SRRM4: variants seen among roughly 807,000 people sequenced by gnomAD.
SRRM4 encodes the protein serine/arginine repetitive matrix 4, also known as serine/arginine repetitive matrix protein 4.
SRRM4 carries 33 observed loss-of-function variants against 68.9 expected under a neutral mutation model. The observed-to-expected ratio is 0.48, with a 90% CI of 0.36 to 0.64. The LOEUF (loss-of-function observed/expected upper bound fraction) is 0.64, where lower values mean the gene tolerates loss of function less well. Among genes scored for constraint, SRRM4 ranks in the 30% least tolerant of loss-of-function variants. The pLI, the probability that SRRM4 is intolerant of heterozygous loss-of-function variation, is 0.00. For missense variants in SRRM4, 817 were observed against 827.1 expected (o/e 0.99, Z 0.15); for synonymous variants, 318 against 318.8 (o/e 1.00, Z 0.03).
intron 1 of SRRM4, among the ~76,000 whole-genome samples, chr12:118,994,843 C>T (rs116490286): frequency 0.011 from 1,610 of 152,198 alleles, 32 homozygotes; most frequent in African/African-American, 0.037. Context: ...TGTTCAAAAG[C>T]GAGTCAGTTT....
intron 1 of SRRM4, among the ~76,000 whole-genome samples, chr12:119,074,127 C>A (rs915195285): frequency 2.6e-5 from 4 of 152,090 alleles, no homozygotes; most frequent in African/African-American, 9.7e-5. Context: ...TTATGAAAAT[C>A]TCCTGCTTAG....
At chr12:119,012,356 G>T (rs1373341960) in intron 1 of SRRM4, among the ~76,000 whole-genome samples, 1 of 152,176 alleles carries the variant, frequency 6.6e-6, no homozygotes, top group African/African-American at 2.4e-5. Flanking sequence ...TTTCATCAAG[G>T]TTGCCATGAT....
intron 1 of SRRM4, among the ~76,000 whole-genome samples, chr12:119,062,988 A>T (rs550542521): frequency 6.6e-6 from 1 of 152,360 alleles, no homozygotes; most frequent in Non-Finnish European, 1.5e-5. Flanking sequence ...GACACATAGT[A>T]AGCCTTCAGT....
At chr12:119,142,301 CCT>C (rs1565918169) in intron 8 of SRRM4, among the ~76,000 whole-genome samples, 1 of 152,170 alleles carries the variant, frequency 6.6e-6, no homozygotes, top group Non-Finnish European at 1.5e-5. Context: ...TGCCTTTATC[CCT>C]GTTTTCTGGT....
chr12:119,010,010 C>G (rs910768525), intron 1 of SRRM4, among the ~76,000 whole-genome samples: 3 of 152,156 alleles, frequency 2.0e-5, no homozygotes, highest in Non-Finnish European at 4.4e-5. Flanking sequence ...AGTGTATTTT[C>G]TTTGTATGGG....
chr12:119,006,178 G>A (rs184804913), intron 1 of SRRM4, among the ~76,000 whole-genome samples: 35 of 152,322 alleles, frequency 2.3e-4, no homozygotes, highest in Admixed American at 9.1e-4. Flanking sequence ...CGCCAGTCCT[G>A]AGCTGCTCTG....
intron 1 of SRRM4, among the ~76,000 whole-genome samples, chr12:118,999,494 A>G (rs1953370045): frequency 6.6e-6 from 1 of 152,216 alleles, no homozygotes; most frequent in African/African-American, 2.4e-5. Flanking sequence ...TATCTGCAGC[A>G]TTGGCATATT....
rs191314289 is a variant in SRRM4 at position 119,048,131 on chromosome 12, G to A, written c.132-54105G>A. 8.1e-4 allele frequency among the ~76,000 whole-genome samples: 123 copies of A among 152,248 alleles called. 1 individual carries two copies. The highest frequency in any genetic ancestry group is 2.3e-3 in the African/African-American group (97 of 41,548). ...CTGTGAAACAAGAATTAGAACCCCT[G>A]TTTTACAAACCCTGTGAAACAAGAA... On this transcript the variant is annotated intron_variant, in intron 1 of 12. Transcript: ENST00000267260.
intron 1 of SRRM4, among the ~76,000 whole-genome samples, chr12:118,991,171 C>T (rs1953314572): frequency 6.6e-6 from 1 of 152,178 alleles, no homozygotes; most frequent in South Asian, 2.1e-4. Context: ...TGGTCCACTT[C>T]CTGCCCACCT....
chr12:119,026,480 C>G (rs968748472), intron 1 of SRRM4, among the ~76,000 whole-genome samples: 1 of 151,986 alleles, frequency 6.6e-6, no homozygotes, highest in South Asian at 2.1e-4. Flanking sequence ...AGTGTATGTA[C>G]AGTGATCTCA....
chr12:118,982,682 T>TTATTTTTTTTATTTTTA (rs1228412919), intron 1 of SRRM4, among the ~76,000 whole-genome samples: 3 of 134,206 alleles, frequency 2.2e-5, no homozygotes, highest in African/African-American at 8.4e-5. Flanking sequence ...TTTTTTTGTT[T>TTATTTTTTTTATTTTTA]TTTTTTTTTT....
At chr12:119,093,856 T>C (rs931545987) in intron 1 of SRRM4, among the ~76,000 whole-genome samples, 3 of 152,164 alleles carry the variant, frequency 2.0e-5, no homozygotes, top group African/African-American at 4.8e-5. Flanking sequence ...CTCAGCAGTT[T>C]TATCTCTCAT....
At chr12:119,064,301 A>C (rs1234552545) in intron 1 of SRRM4, among the ~76,000 whole-genome samples, 1 of 152,208 alleles carries the variant, frequency 6.6e-6, no homozygotes, top group Non-Finnish European at 1.5e-5. Flanking sequence ...TTGGCAAATA[A>C]ACTATTTATT....
intron 2 of SRRM4, among the ~76,000 whole-genome samples, chr12:119,103,861 A>T (rs926554325): frequency 2.6e-5 from 4 of 152,164 alleles, no homozygotes; most frequent in African/African-American, 9.7e-5. Flanking sequence ...AAAATTAGCC[A>T]GGTGTGATGG....
At position 119,160,672 on chromosome 12, in the gene SRRM4, G is replaced by GTTAAGTGGAGGGAT. The variant is rs1954507730; in HGVS notation, c.*3877_*3890dup. ...TTCCCTAGGGCAAAGTTCGACCTCT[G>GTTAAGTGGAGGGAT]TTAAGTGGAGGGATTTGTGAGATAA... On this transcript the variant is annotated 3_prime_UTR_variant, in exon 13 of 13. Transcript: ENST00000267260. 6.6e-6 allele frequency: 1 copy of GTTAAGTGGAGGGAT among 152,206 alleles called. No individual in the cohort carries two copies. Among genetic ancestry groups the GTTAAGTGGAGGGAT allele is most frequent in the Admixed American group, 6.5e-5 (1 of 15,280 alleles). The allele number at this position is 152,206 out of a possible 1,614,324, so 9.4% of individuals were successfully genotyped here.
At chr12:119,096,187 A>ATTT (rs749042616) in intron 1 of SRRM4, among the ~76,000 whole-genome samples, 12 of 134,352 alleles carry the variant, frequency 8.9e-5, no homozygotes, top group Non-Finnish European at 1.6e-4. Context: ...CGCCCAGCTA[A>ATTT]TTTTTTTTTT....
intron 1 of SRRM4, among the ~76,000 whole-genome samples, chr12:119,011,835 C>G (rs1417081456): frequency 8.6e-5 from 13 of 151,966 alleles, no homozygotes; most frequent in Admixed American, 4.6e-4. Flanking sequence ...TAGCTTGAGC[C>G]TTGGAATTGG....
In SRRM4 at chr12:119,142,362, C is replaced by A. The variant is rs1292996443; in HGVS notation, c.772-3019C>A. Among the ~76,000 whole-genome samples the A allele has an allele frequency of 2.0e-5, 3 of 152,164 alleles. No homozygotes were observed. The East Asian group carries it at 5.8e-4, about 29-fold the overall frequency. ...TGTAGATTTCTCAGTTCTGACCACA[C>A]AAGTTACATGTGGATAAGTCAGAGC... On this transcript the variant is annotated intron_variant, in intron 8 of 12. Coordinates refer to ENST00000267260, the MANE Select transcript of SRRM4 (RefSeq NM_194286.4).
chr12:119,031,019 G>T (rs1953586010), intron 1 of SRRM4: 1 of 152,098 alleles, frequency 6.6e-6, no homozygotes, highest in African/African-American at 2.4e-5. Context: ...TGTACTGCTG[G>T]GTAATAAGTT....
Sources: allele counts gnomAD v4.1 joint callset (sites outside exome capture counted in the v4.1 genomes callset), GRCh38; gene constraint gnomAD v4.1.1; transcripts MANE v1.5; gene names NCBI Gene and HGNC (gene_info 2026-07-23, HGNC 2026-07-21).